The following ARID4A variants were observed in gnomAD, a reference collection of about 807,000 sequenced individuals.
ARID4A encodes the protein AT-rich interaction domain 4A, also known as AT-rich interactive domain-containing protein 4A.
A neutral mutation model predicts 148.6 loss-of-function variants in ARID4A; 39 were observed. The ratio of observed to expected loss-of-function variants is 0.26; its 90% CI spans 0.20 to 0.34. The LOEUF (loss-of-function observed/expected upper bound fraction) is 0.34, where lower values mean the gene tolerates loss of function less well. Among genes scored for constraint, ARID4A ranks in the 10% least tolerant of loss-of-function variants. ARID4A has a pLI of 1.00. For missense variants in ARID4A, 1,265 were observed against 1,449.1 expected, an observed-to-expected ratio of 0.87 and a Z score of 2.06; for synonymous variants, 475 against 481.2, an observed-to-expected ratio of 0.99 and a Z score of 0.17.
At chr14:58,310,268 T>C (rs1309621409) in intron 5 of ARID4A, among the ~76,000 whole-genome samples, 1 of 152,128 alleles carries the variant, frequency 6.6e-6, no homozygotes, top group East Asian at 1.9e-4. Flanking sequence ...GAGGGACTTC[T>C]ATAGTTATCA....
At chr14:58,338,772 A>G (rs1471686337) in intron 11 of ARID4A, among the ~76,000 whole-genome samples, 4 of 152,068 alleles carry the variant, frequency 2.6e-5, no homozygotes, top group Non-Finnish European at 4.4e-5. Flanking sequence ...GTACTAAAAG[A>G]AAGAATATAA....
chr14:58,310,018 C>A (rs568546323), intron 5 of ARID4A, among the ~76,000 whole-genome samples: 3 of 151,956 alleles, frequency 2.0e-5, no homozygotes, highest in Non-Finnish European at 4.4e-5. Flanking sequence ...GTTTTCAAAC[C>A]CAGGTGGCTC....
chr14:58,313,203 A>G (rs2032172926), intron 5 of ARID4A, among the ~76,000 whole-genome samples: 1 of 152,194 alleles, frequency 6.6e-6, no homozygotes, highest in African/African-American at 2.4e-5. Flanking sequence ...AGATAGACAG[A>G]TTGATACAAG....
chr14:58,302,647 G>C (rs2031273998), intron 3 of ARID4A, among the ~76,000 whole-genome samples: 3 of 152,234 alleles, frequency 2.0e-5, no homozygotes, highest in African/African-American at 7.2e-5. Flanking sequence ...GACAGAGGGA[G>C]ACTAAAAATA....
At chr14:58,299,058 C>T (rs532298144) in intron 1 of ARID4A, among the ~76,000 whole-genome samples, 360 of 152,306 alleles carry the variant, frequency 2.4e-3, no homozygotes, top group African/African-American at 8.2e-3. Flanking sequence ...TGGCAGGACT[C>T]GAGGGGCTAC....
chr14:58,345,219 G>A (rs1381378678), intron 12 of ARID4A, among the ~76,000 whole-genome samples: 1 of 152,076 alleles, frequency 6.6e-6, no homozygotes, highest in African/African-American at 2.4e-5. Flanking sequence ...AGTTACACCT[G>A]ACAGTAGTAA....
intron 16 of ARID4A, 53 bp downstream of exon 16, chr14:58,351,376 G>A (rs1360028451): frequency 1.4e-5 from 22 of 1,548,072 alleles, no homozygotes; most frequent in Admixed American, 8.8e-5. Flanking sequence ...GTACAACAGC[G>A]CTTTGTTCCT....
chr14:58,299,593 G>A (rs958545892), intron 1 of ARID4A: 4 of 564,360 alleles, frequency 7.1e-6, no homozygotes, highest in Non-Finnish European at 6.4e-6. Context: ...GGCGAGCTCC[G>A]GGGCGGAACG....
At chr14:58,338,717 A>T (rs1004073554) in intron 11 of ARID4A, among the ~76,000 whole-genome samples, 3 of 152,268 alleles carry the variant, frequency 2.0e-5, no homozygotes, top group East Asian at 1.9e-4. Flanking sequence ...AAATTTCTTT[A>T]TATTTGGTAA....
At chr14:58,371,387 T>G (rs752537622) in intron 23 of ARID4A, among the ~76,000 whole-genome samples, 7 of 152,212 alleles carry the variant, frequency 4.6e-5, no homozygotes, top group Non-Finnish European at 1.0e-4. Flanking sequence ...TGTTATGTCC[T>G]CCTGGAGAAA....
chr14:58,367,330 A>G (rs1167283247), intron 23 of ARID4A, among the ~76,000 whole-genome samples: 3 of 152,242 alleles, frequency 2.0e-5, no homozygotes, highest in African/African-American at 7.2e-5. Context: ...GGCATCTATT[A>G]ACAGGCACTG....
At chr14:58,307,751 C>T (rs915103425) in intron 5 of ARID4A, among the ~76,000 whole-genome samples, 34 of 152,076 alleles carry the variant, frequency 2.2e-4, no homozygotes, top group African/African-American at 8.0e-4. Context: ...ATCTGGGAGG[C>T]GGAGGTTGCA....
chr14:58,299,343 C>T (rs2030906792), intron 1 of ARID4A: 1 of 155,336 alleles, frequency 6.4e-6, no homozygotes, highest in Admixed American at 6.5e-5. Context: ...CGCCGTGACA[C>T]TCCGCTGCCG....
intron 23 of ARID4A, among the ~76,000 whole-genome samples, chr14:58,371,335 G>A (rs961641713): frequency 1.3e-5 from 2 of 152,180 alleles, no homozygotes; most frequent in Non-Finnish European, 2.9e-5. Context: ...AACTTAAAAA[G>A]TGGCAAAACA....
intron 3 of ARID4A, 57 bp from the exon 4 acceptor site, chr14:58,304,887 T>A: frequency 7.3e-7 from 1 of 1,374,082 alleles, no homozygotes; most frequent in Admixed American, 1.7e-5. Context: ...ATAGTGTTAC[T>A]ATAAATGTAT....
chr14:58,356,007 T>A (rs931750625), intron 17 of ARID4A, among the ~76,000 whole-genome samples: 1 of 152,210 alleles, frequency 6.6e-6, no homozygotes, highest in Non-Finnish European at 1.5e-5. Context: ...TCTCTACTCC[T>A]AAAAGCTGGT....
At position 58,351,216 on chromosome 14, in the gene ARID4A, G is replaced by T. The variant is rs372026365; in HGVS notation, c.1548G>T (p.Glu516Asp). 5 of 1,613,004 alleles carry T rather than the reference G, an allele frequency of 3.1e-6. No homozygotes were observed. The highest frequency in any genetic ancestry group is 4.2e-6 in the Non-Finnish European group (5 of 1,179,804). ...DYETAEKKEN[E>D]LLLGRKNTPK... Reference sequence around the variant, plus strand: ...AAACTGCAGAGAAAAAAGAAAATGAGCTACTACTGGGGAGAAAAAATACAC... The same window carrying T: ...AAACTGCAGAGAAAAAAGAAAATGATCTACTACTGGGGAGAAAAAATACAC... Residue 516 changes from glutamate to aspartate, a missense_variant, in exon 16 of 24, where the codon GAG (glutamate) becomes GAT (aspartate). Glu to Asp is a conservative substitution (Grantham distance 45). Around this residue, in one of 9 missense-constraint regions of ARID4A, gnomAD observed 205 missense variants for 196.9 expected, o/e 1.04. Transcript: ENST00000355431.
intron 3 of ARID4A, among the ~76,000 whole-genome samples, chr14:58,302,749 T>C (rs551697400): frequency 5.7e-4 from 87 of 152,038 alleles, no homozygotes; most frequent in African/African-American, 2.1e-3. Context: ...AGCCAAGGAA[T>C]TCAAGACCAG....
chr14:58,315,896 G>T (rs116546856), intron 5 of ARID4A, among the ~76,000 whole-genome samples: 1 of 152,102 alleles, frequency 6.6e-6, no homozygotes, highest in South Asian at 2.1e-4. Context: ...TAGAATCATG[G>T]TTCTTTGAGT....
Sources: allele counts gnomAD v4.1 joint callset (sites outside exome capture counted in the v4.1 genomes callset), GRCh38; gene constraint gnomAD v4.1.1; regional missense constraint gnomAD v4.1.1; transcripts MANE v1.5; gene names NCBI Gene and HGNC (gene_info 2026-07-23, HGNC 2026-07-21).